CBFA2T2: variants seen among roughly 807,000 people sequenced by gnomAD.
The protein encoded by CBFA2T2 is protein CBFA2T2.
In CBFA2T2, 11 loss-of-function variants were observed where a neutral mutation model predicts 62.2. The ratio of observed to expected loss-of-function variants is 0.18; its 90% CI spans 0.11 to 0.29. The LOEUF (loss-of-function observed/expected upper bound fraction) is 0.29. Among genes scored for constraint, CBFA2T2 ranks in the 10% least tolerant of loss-of-function variants. The pLI, the probability that CBFA2T2 is intolerant of heterozygous loss-of-function variation, is 1.00. For missense variants in CBFA2T2, 592 were observed against 774.1 expected, an observed-to-expected ratio of 0.76 and a Z score of 2.79; for synonymous variants, 295 against 287.5, an observed-to-expected ratio of 1.03 and a Z score of -0.27.
intron 1 of CBFA2T2, among the ~76,000 whole-genome samples, chr20:33,592,790 A>C (rs2014720490): frequency 6.6e-6 from 1 of 152,178 alleles, no homozygotes; most frequent in African/African-American, 2.4e-5. Context: ...CACTTAAAAA[A>C]ACCCCTCAAA....
At chr20:33,554,560 TTTC>T (rs1406001622) in intron 1 of CBFA2T2, among the ~76,000 whole-genome samples, 1 of 141,424 alleles carries the variant, frequency 7.1e-6, no homozygotes, top group Non-Finnish European at 1.5e-5. Flanking sequence ...ATTTTTCTTT[TTTC>T]TTTTCTTTTC....
intron 3 of CBFA2T2, among the ~76,000 whole-genome samples, chr20:33,614,237 A>G (rs1230460182): frequency 1.3e-5 from 2 of 152,012 alleles, no homozygotes; most frequent in Non-Finnish European, 2.9e-5. Context: ...TTTTTTCCAT[A>G]GTAAAATATA....
At chr20:33,491,576 T>C (rs2011146691) in intron 1 of CBFA2T2, among the ~76,000 whole-genome samples, 1 of 152,140 alleles carries the variant, frequency 6.6e-6, no homozygotes, top group African/African-American at 2.4e-5. Flanking sequence ...ATAGAAAAAG[T>C]AGATACACCC....
intron 10 of CBFA2T2, among the ~76,000 whole-genome samples, chr20:33,643,813 A>C (rs1412093558): frequency 1.9e-5 from 1 of 51,904 alleles, no homozygotes; most frequent in African/African-American, 1.2e-4. Flanking sequence ...ATATATATAT[A>C]TATAGTATAT....
chr20:33,599,782 C>T (rs1372472592), intron 1 of CBFA2T2, among the ~76,000 whole-genome samples: 6 of 151,982 alleles, frequency 3.9e-5, no homozygotes, highest in Non-Finnish European at 8.8e-5. Flanking sequence ...TTAGTAGAAA[C>T]GGGGTTTCAC....
Position 33,511,445 on chromosome 20 carries a change from T to C in CBFA2T2, c.34+21144T>C, listed in dbSNP as rs535827774. On this transcript the variant is annotated intron_variant, in intron 1 of 10. Coordinates refer to ENST00000342704, the MANE Select transcript of CBFA2T2 (RefSeq NM_001032999.3). Reference sequence around the variant, plus strand: ...GGGTTTGTCAAAGATCAGATGGTTGTAGATGTGTGGTTTTATTTCTGAGGC... The same window carrying C: ...GGGTTTGTCAAAGATCAGATGGTTGCAGATGTGTGGTTTTATTTCTGAGGC... Among the ~76,000 whole-genome samples, 92 of 152,296 alleles carry C rather than the reference T, an allele frequency of 6.0e-4. 1 individual carries two copies. The South Asian group carries it at 0.014, about 24-fold the overall frequency.
intron 1 of CBFA2T2, among the ~76,000 whole-genome samples, chr20:33,535,923 C>T (rs1196578116): frequency 9.2e-5 from 14 of 152,240 alleles, no homozygotes; most frequent in African/African-American, 3.4e-4. Context: ...CATCTTGCAC[C>T]GCCCTTAATC....
intron 1 of CBFA2T2, among the ~76,000 whole-genome samples, chr20:33,523,819 G>C (rs1421127395): frequency 6.6e-6 from 1 of 152,108 alleles, no homozygotes; most frequent in Non-Finnish European, 1.5e-5. Flanking sequence ...CGAGTAGCTG[G>C]GATTACAGGC....
At chr20:33,518,314 T>C (rs1230378268) in intron 1 of CBFA2T2, among the ~76,000 whole-genome samples, 2 of 152,144 alleles carry the variant, frequency 1.3e-5, no homozygotes, top group Admixed American at 6.6e-5. Context: ...TTAGTATTTT[T>C]CTCAGAATGA....
At chr20:33,559,734 C>T (rs964374319) in intron 1 of CBFA2T2, among the ~76,000 whole-genome samples, 1 of 152,148 alleles carries the variant, frequency 6.6e-6, no homozygotes, top group African/African-American at 2.4e-5. Context: ...GATCCACCCA[C>T]CTTGGCCTCC....
intron 1 of CBFA2T2, among the ~76,000 whole-genome samples, chr20:33,502,977 G>T (rs1663393572): frequency 6.8e-6 from 1 of 147,408 alleles, no homozygotes; most frequent in Non-Finnish European, 1.5e-5. Flanking sequence ...TGTAGTCCCA[G>T]CTACTCCGGA....
intron 4 of CBFA2T2, among the ~76,000 whole-genome samples, chr20:33,620,399 G>C (rs778454833): frequency 2.0e-4 from 30 of 152,128 alleles, no homozygotes; most frequent in Non-Finnish European, 3.4e-4. Flanking sequence ...CAGCTAGTTG[G>C]GAGGCTGAGG....
chr20:33,584,835 CA>C (rs1329016339), intron 1 of CBFA2T2, among the ~76,000 whole-genome samples: 1 of 152,138 alleles, frequency 6.6e-6, no homozygotes, highest in Non-Finnish European at 1.5e-5. Context: ...TGTGTTTAAG[CA>C]TTTACTATAT....
intron 1 of CBFA2T2, among the ~76,000 whole-genome samples, chr20:33,547,199 C>T (rs2012598711): frequency 6.6e-6 from 1 of 151,010 alleles, no homozygotes; most frequent in South Asian, 2.1e-4. Context: ...GACTCCGTCT[C>T]AAAAAGAAAA....
At chr20:33,536,236 G>C (rs2012223578) in intron 1 of CBFA2T2, among the ~76,000 whole-genome samples, 1 of 147,524 alleles carries the variant, frequency 6.8e-6, no homozygotes. Context: ...TCACATCCCA[G>C]TAGGGGCGGC....
At chr20:33,621,498 C>T (rs955760325) in intron 4 of CBFA2T2, among the ~76,000 whole-genome samples, 2 of 151,596 alleles carry the variant, frequency 1.3e-5, no homozygotes, top group Non-Finnish European at 2.9e-5. Context: ...TTAATAGTAG[C>T]GACCATATTG....
intron 6 of CBFA2T2, among the ~76,000 whole-genome samples, chr20:33,625,828 CG>C (rs2016200961): frequency 6.6e-6 from 1 of 151,628 alleles, no homozygotes; most frequent in African/African-American, 2.4e-5. Flanking sequence ...AGGGGCTGGG[CG>C]TGGTGGCTCA....
chr20:33,642,113 TTTTTGTG>T (rs1241657104), intron 10 of CBFA2T2, among the ~76,000 whole-genome samples: 7 of 41,292 alleles, frequency 1.7e-4, no homozygotes, highest in Admixed American at 6.8e-4. Context: ...GTCTTTTTTT[TTTTTGTG>T]TGTGTGTGTG....
chr20:33,567,147 A>G (rs2013355127), intron 1 of CBFA2T2, among the ~76,000 whole-genome samples: 1 of 152,232 alleles, frequency 6.6e-6, no homozygotes, highest in South Asian at 2.1e-4. Context: ...TGAGAACTAT[A>G]TGATGACACA....
Sources: allele counts gnomAD v4.1 joint callset (sites outside exome capture counted in the v4.1 genomes callset), GRCh38; gene constraint gnomAD v4.1.1; transcripts MANE v1.5; gene names NCBI Gene and HGNC (gene_info 2026-07-23, HGNC 2026-07-21).